CTNND2: variants seen among roughly 807,000 people sequenced by gnomAD.
The protein encoded by CTNND2 is catenin delta 2.
A neutral mutation model predicts 144.4 loss-of-function variants in CTNND2; 22 were observed. That is an observed-to-expected ratio of 0.15 (90% CI 0.11 to 0.22). CTNND2 has a LOEUF of 0.22. Ranked by LOEUF, CTNND2 falls within the 10% of genes least tolerant of loss-of-function variation. The pLI is 1.00. For missense variants in CTNND2, 1,353 were observed against 1,618.8 expected (o/e 0.84, Z 2.82); for synonymous variants, 751 against 695.6 (o/e 1.08, Z -1.25).
intron 1 of CTNND2, among the ~76,000 whole-genome samples, chr5:11,771,192 C>CTTTTTTTTTTTTTTTTTTTTT (rs34686102): frequency 9.6e-6 from 1 of 103,764 alleles, no homozygotes. Flanking sequence ...ACATTGTTAG[C>CTTTTTTTTTTTTTTTTTTTTT]TTTTTTTTTT....
chr5:11,322,059 G>A (rs1452866014), intron 9 of CTNND2, among the ~76,000 whole-genome samples: 1 of 152,146 alleles, frequency 6.6e-6, no homozygotes, highest in Non-Finnish European at 1.5e-5. Flanking sequence ...CCCTCCACAC[G>A]ACTGCAACTC....
chr5:11,172,078 C>T (rs879829925), intron 11 of CTNND2, among the ~76,000 whole-genome samples: 10 of 152,126 alleles, frequency 6.6e-5, no homozygotes, highest in Admixed American at 2.6e-4. Flanking sequence ...ATTACTTTCG[C>T]GCCATAATAT....
chr5:11,045,877 T>A (rs1226059695), intron 16 of CTNND2, among the ~76,000 whole-genome samples: 1 of 152,164 alleles, frequency 6.6e-6, no homozygotes, highest in East Asian at 1.9e-4. Context: ...TAAAGAATGT[T>A]CCCTTCCCTT....
chr5:11,051,647 T>C (rs999027829), intron 16 of CTNND2, among the ~76,000 whole-genome samples: 2 of 152,274 alleles, frequency 1.3e-5, no homozygotes, highest in African/African-American at 2.4e-5. Flanking sequence ...AGTCATTTCC[T>C]CTAATTTTTA....
At chr5:11,529,495 C>T (rs1773549428) in intron 3 of CTNND2, among the ~76,000 whole-genome samples, 3 of 152,138 alleles carry the variant, frequency 2.0e-5, no homozygotes, top group African/African-American at 7.2e-5. Flanking sequence ...TTAACTCTGC[C>T]TTGGCACTCA....
intron 2 of CTNND2, among the ~76,000 whole-genome samples, chr5:11,676,634 AT>A (rs955261403): frequency 6.6e-6 from 1 of 151,614 alleles, no homozygotes; most frequent in African/African-American, 2.4e-5. Context: ...CTTCAGAGCT[AT>A]TTTTTCAATA....
intron 2 of CTNND2, among the ~76,000 whole-genome samples, chr5:11,591,079 G>A (rs1487971553): frequency 6.6e-6 from 1 of 152,166 alleles, no homozygotes; most frequent in East Asian, 1.9e-4. Flanking sequence ...GCATGTTTAA[G>A]AGGATTTTCC....
intron 2 of CTNND2, among the ~76,000 whole-genome samples, chr5:11,711,305 C>T (rs536612267): frequency 9.8e-5 from 15 of 152,290 alleles, no homozygotes; most frequent in South Asian, 4.1e-4. Flanking sequence ...GATGCACCCG[C>T]CTTGGCCTCC....
At chr5:11,828,640 G>A (rs930777277) in intron 1 of CTNND2, among the ~76,000 whole-genome samples, 7 of 152,194 alleles carry the variant, frequency 4.6e-5, no homozygotes, top group Admixed American at 4.6e-4. Flanking sequence ...CCATGATTGT[G>A]AGGCCTCCCC....
chr5:11,870,029 A>G (rs954235381), intron 1 of CTNND2, among the ~76,000 whole-genome samples: 4 of 152,200 alleles, frequency 2.6e-5, no homozygotes, highest in Non-Finnish European at 4.4e-5. Flanking sequence ...ATACTTACAC[A>G]TAGACTGATT....
intron 3 of CTNND2, among the ~76,000 whole-genome samples, chr5:11,452,390 T>A (rs1401476701): frequency 6.6e-6 from 1 of 152,218 alleles, no homozygotes; most frequent in Non-Finnish European, 1.5e-5. Flanking sequence ...AATTTTATAA[T>A]TTCTCTTAAA....
intron 18 of CTNND2, among the ~76,000 whole-genome samples, chr5:11,013,973 T>C (rs1347439555): frequency 1.3e-5 from 2 of 152,128 alleles, no homozygotes; most frequent in Non-Finnish European, 2.9e-5. Context: ...GCAGGAATGA[T>C]GTTTCTTTTG....
At chr5:11,662,133 A>AT (rs1783252044) in intron 2 of CTNND2, among the ~76,000 whole-genome samples, 2 of 146,206 alleles carry the variant, frequency 1.4e-5, no homozygotes, top group Non-Finnish European at 3.0e-5. Flanking sequence ...ATATATACAT[A>AT]TATGTATATA....
chr5:11,144,522 G>T (rs1757060648), intron 12 of CTNND2, among the ~76,000 whole-genome samples: 1 of 152,136 alleles, frequency 6.6e-6, no homozygotes, highest in Non-Finnish European at 1.5e-5. Context: ...GTCTCCTGGG[G>T]CACAAAGGGC....
chr5:11,605,996 G>C (rs1581597697), intron 2 of CTNND2, among the ~76,000 whole-genome samples: 1 of 152,210 alleles, frequency 6.6e-6, no homozygotes, highest in East Asian at 1.9e-4. Context: ...CACATGAGCT[G>C]GTAAAAGCAG....
At chr5:11,601,848 T>C (rs115859471) in intron 2 of CTNND2, among the ~76,000 whole-genome samples, 1 of 152,118 alleles carries the variant, frequency 6.6e-6, no homozygotes, top group Non-Finnish European at 1.5e-5. Flanking sequence ...AGGCACACAT[T>C]CAAATATGCT....
chr5:11,824,624 C>T (rs1793505328), intron 1 of CTNND2, among the ~76,000 whole-genome samples: 1 of 152,180 alleles, frequency 6.6e-6, no homozygotes, highest in South Asian at 2.1e-4. Context: ...AGGAAACTCT[C>T]TCCTACCCAA....
Position 11,582,337 on chromosome 5 carries a change from T to C in CTNND2, c.175-17281A>G, listed in dbSNP as rs139366687. Among the ~76,000 whole-genome samples the C allele has an allele frequency of 2.8e-3, 423 of 152,316 alleles. 2 individuals are homozygous for C. The highest frequency in any genetic ancestry group is 9.5e-3 in the African/African-American group (393 of 41,572). ...AAAATGAAATGAAATAAAGTTCACA[T>C]CAGAGTGGGACCTGATTCTATTCCA... On this transcript the variant is annotated intron_variant, in intron 2 of 21. Coordinates refer to ENST00000304623, the MANE Select transcript of CTNND2 (RefSeq NM_001332.4).
chr5:11,160,248 A>G (rs1039566032), intron 11 of CTNND2, among the ~76,000 whole-genome samples: 1 of 152,236 alleles, frequency 6.6e-6, no homozygotes, highest in African/African-American at 2.4e-5. Flanking sequence ...ATCCAGCATC[A>G]GGTCAGATGA....
Sources: allele counts gnomAD v4.1 joint callset (sites outside exome capture counted in the v4.1 genomes callset), GRCh38; gene constraint gnomAD v4.1.1; transcripts MANE v1.5; gene names NCBI Gene and HGNC (gene_info 2026-07-23, HGNC 2026-07-21).